Variants in RHOBTB2 observed in about 807,000 individuals in gnomAD.
RHOBTB2 encodes the protein Rho related BTB domain containing 2.
RHOBTB2 carries 39 observed loss-of-function variants against 66.5 expected under a neutral mutation model. That is an observed-to-expected ratio of 0.59 (90% CI 0.45 to 0.77). The LOEUF is 0.77. Ranked by LOEUF, RHOBTB2 falls within the 30% of genes least tolerant of loss-of-function variation. The pLI is 0.00. For missense variants in RHOBTB2, 755 were observed against 999.1 expected (o/e 0.76, Z 3.29); for synonymous variants, 390 against 395.0 (o/e 0.99, Z 0.15).
chr8:23,017,372 AG>A lies in RHOBTB2; in HGVS notation c.2088del (p.Gln696HisfsTer69), dbSNP rs774308795. ...EKEDYLHLKRQPKRRWLFWNS... is the reference protein window; with the variant it reads ...EKEDYLHLKRXPKRRWLFWNS... ...GAGGACTACCTCCACCTCAAGCGGC[AG>A]CCCAAACGGCGTTGGCTCTTCTGGA... On this transcript the variant is annotated frameshift_variant, in exon 10 of 10. Coordinates refer to ENST00000251822, the MANE Select transcript of RHOBTB2 (RefSeq NM_015178.3). LOFTEE classifies it high-confidence loss of function. This position sits in a 1 kb window ranked among gnomAD's most constrained non-coding sequence, Gnocchi z 5.3. 2.5e-6 allele frequency: 4 copies of A among 1,614,210 alleles called. No individual in the cohort carries two copies. Among genetic ancestry groups the A allele is most frequent in the Non-Finnish European group, 3.4e-6 (4 of 1,180,038 alleles).
At chr8:22,969,248 T>A in the RHOBTB2 span, among the ~76,000 whole-genome samples, 3 of 152,052 alleles carry the variant, frequency 2.0e-5, no homozygotes, top group Non-Finnish European at 2.9e-5. Flanking sequence ...CAGTATGGGG[T>A]AACCCCCCCA....
At chr8:22,975,141 C>G in the RHOBTB2 span, among the ~76,000 whole-genome samples, 2 of 152,088 alleles carry the variant, frequency 1.3e-5, no homozygotes, top group Admixed American at 1.3e-4. Context: ...GTCCCCCTGG[C>G]GCATCACATG....
At chr8:22,987,148 A>AG (rs1810302723), upstream of RHOBTB2, among the ~76,000 whole-genome samples, 1 of 152,272 alleles carries the variant, frequency 6.6e-6, no homozygotes, top group Admixed American at 6.5e-5. Flanking sequence ...GTGAGTCACC[A>AG]GGGGCTGAGA....
chr8:22,990,331 C>G (rs1264739822), intron 1 of RHOBTB2, among the ~76,000 whole-genome samples: 1 of 152,136 alleles, frequency 6.6e-6, no homozygotes, highest in African/African-American at 2.4e-5. Context: ...GCTGGTGCAC[C>G]CGTGCCACCT....
chr8:23,014,901 T>A, intron 8 of RHOBTB2, 123 bp downstream of exon 8: 1 of 768,022 alleles, frequency 1.3e-6, no homozygotes, highest in Non-Finnish European at 2.2e-6. Context: ...GACTGGGCTC[T>A]TTGACTGCGC....
chr8:23,007,206 G>A lies in RHOBTB2; in HGVS notation c.961G>A (p.Gly321Ser). Residue 321 changes from glycine to serine, a missense_variant, in exon 5 of 10, where the codon GGC becomes AGC. Gly to Ser is a moderately conservative substitution (Grantham distance 56). This residue lies in a region of RHOBTB2 where 247 missense variants were observed against 238.9 expected (regional missense o/e 1.03). Coordinates refer to ENST00000251822, the MANE Select transcript of RHOBTB2 (RefSeq NM_015178.3). ...PGGTHPEDHQ[G>S]HSDQHHHHHH... ...GGGCACCCACCCAGAGGACCACCAG[G>A]GCCACTCTGATCAACACCACCACCA... 6.2e-7 allele frequency: 1 copy of A among 1,606,140 alleles called. No individual in the cohort carries two copies. The highest frequency in any genetic ancestry group is 8.5e-7 in the Non-Finnish European group (1 of 1,178,996).
chr8:22,959,657 G>C, the RHOBTB2 span, among the ~76,000 whole-genome samples: 78,897 of 151,890 alleles, frequency 0.52, 21,890 homozygotes, highest in African/African-American at 0.73. Flanking sequence ...TCAGCTCCTA[G>C]TTATCCGCAT....
rs960028772 is a variant in RHOBTB2, at chr8:23,006,383, T to C, written c.482+238T>C. ...GAAAAATAGAGAGGAAGAGGTGATA[T>C]TTGCATGAAAAAGTCCTATAATTTT... On this transcript the variant is annotated intron_variant, in intron 4 of 9. Coordinates refer to ENST00000251822, the MANE Select transcript of RHOBTB2 (RefSeq NM_015178.3). This position sits in a 1 kb window ranked among gnomAD's most constrained non-coding sequence, Gnocchi z 6.1. 9 of 555,952 alleles carry C rather than the reference T, an allele frequency of 1.6e-5. No individual in the cohort carries two copies. Among genetic ancestry groups the C allele is most frequent in the South Asian group, 1.3e-4 (5 of 38,436 alleles). The allele number at this position is 555,952 out of a possible 1,614,324, so 34.4% of individuals were successfully genotyped here. A position where few individuals can be genotyped will look rare whatever the true frequency, so the allele number is the denominator to read the frequency against.
chr8:23,005,969 G>A lies in RHOBTB2; in HGVS notation c.306G>A (p.Val102=), dbSNP rs1356369783. The A allele has an allele frequency of 6.2e-7, 1 of 1,612,034 alleles. No homozygotes were observed. The highest frequency in any genetic ancestry group is 8.5e-7 in the Non-Finnish European group (1 of 1,178,448). The stretch of plus-strand genomic sequence containing the variant: ...ACTTTCCCACCCGCAGATCTGATGT[G>A]GTGGTTCTGTGCTTCTCCATTGCCA... ...DRRFAYGRSD[V]VVLCFSIANP... The change falls in exon 4 of 10, where the codon GTG becomes GTA. Residue 102 remains valine (V), a synonymous_variant. Transcript: ENST00000251822.
chr8:22,995,880 G>A (rs562008303), upstream of RHOBTB2: 671 of 1,551,574 alleles, frequency 4.3e-4, no homozygotes, highest in East Asian at 5.1e-4. Context: ...CCATGAAAGC[G>A]CGGTTAGTAG....
chr8:22,955,459 G>C, the RHOBTB2 span, among the ~76,000 whole-genome samples: 4 of 151,850 alleles, frequency 2.6e-5, no homozygotes, highest in African/African-American at 9.7e-5. Flanking sequence ...CCAATGTACA[G>C]ACTTTAACAA....
At chr8:22,973,397 T>A in the RHOBTB2 span, among the ~76,000 whole-genome samples, 1 of 151,962 alleles carries the variant, frequency 6.6e-6, no homozygotes, top group Admixed American at 6.6e-5. Context: ...CAGGACTAAT[T>A]TTTTTTATTT....
intron 1 of RHOBTB2, among the ~76,000 whole-genome samples, chr8:22,991,603 G>C (rs1810426880): frequency 6.6e-6 from 1 of 152,184 alleles, no homozygotes; most frequent in Non-Finnish European, 1.5e-5. Context: ...CCAATGACCT[G>C]TTTTCTTGAA....
At chr8:22,960,385 C>G in the RHOBTB2 span, among the ~76,000 whole-genome samples, 1 of 147,936 alleles carries the variant, frequency 6.8e-6, no homozygotes. Flanking sequence ...GTGGTGCCAT[C>G]TCGGCTCACT....
chr8:23,002,745 A>G (rs1204035619), intron 1 of RHOBTB2, among the ~76,000 whole-genome samples: 1 of 152,114 alleles, frequency 6.6e-6, no homozygotes, highest in Non-Finnish European at 1.5e-5. Context: ...TAGGAGAGAG[A>G]AGGGGTGGTA....
rs1810721440 is a variant in RHOBTB2, at chr8:22,999,973, A to G, written c.-143A>G. 9.1e-6 allele frequency: 9 copies of G among 985,442 alleles called. No individual in the cohort carries two copies. The highest frequency in any genetic ancestry group is 1.1e-5 in the Non-Finnish European group (9 of 830,046). 61.0% of individuals were successfully genotyped at this position (985,442 alleles called of 1,614,324 possible). On this transcript the variant is annotated 5_prime_UTR_variant, in exon 1 of 10. Transcript: ENST00000251822. ...GCTGGCCGGGAGGCTGGAGCCCAGCAGCAGCGCGGCGGCGCCGGCGTCGTC... is the reference window on the plus strand; with the variant it reads ...GCTGGCCGGGAGGCTGGAGCCCAGCGGCAGCGCGGCGGCGCCGGCGTCGTC...
At chr8:22,985,754 GGTGT>G (rs1810275850), upstream of RHOBTB2, among the ~76,000 whole-genome samples, 1 of 152,114 alleles carries the variant, frequency 6.6e-6, no homozygotes, top group South Asian at 2.1e-4. Context: ...CAGACCTCAG[GGTGT>G]GTCTTCACAG....
upstream of RHOBTB2, among the ~76,000 whole-genome samples, chr8:22,985,846 A>G (rs1022790085): frequency 6.6e-6 from 1 of 152,094 alleles, no homozygotes; most frequent in African/African-American, 2.4e-5. Context: ...ATGTAAGGGC[A>G]TTGTTTCTAG....
At chr8:22,967,854 A>G in the RHOBTB2 span, among the ~76,000 whole-genome samples, 19 of 151,830 alleles carry the variant, frequency 1.3e-4, no homozygotes, top group Non-Finnish European at 2.5e-4. Context: ...TGAACTGTCC[A>G]CTTAAAAATG....
Sources: gnomAD v4.1 joint callset for allele counts (sites outside exome capture counted in the v4.1 genomes callset) on GRCh38, gnomAD v4.1.1 for gene constraint, gnomAD v4.1.1 regional missense constraint, Gnocchi (gnomAD v3.1) non-coding constraint, MANE v1.5 for transcripts, NCBI Gene and HGNC (gene_info 2026-07-23, HGNC 2026-07-21) for gene names.